The following CCDC110 variants were observed in gnomAD, a reference collection of about 807,000 sequenced individuals.
CCDC110 encodes coiled-coil domain containing 110.
CCDC110 carries 70 observed loss-of-function variants against 77.1 expected under a neutral mutation model. The observed-to-expected ratio is 0.91, with a 90% CI of 0.75 to 1.11. CCDC110 has a LOEUF of 1.11. CCDC110 is among the 50% of genes least tolerant of loss of function. The pLI, the probability that CCDC110 is intolerant of heterozygous loss-of-function variation, is 0.00. For synonymous variants in CCDC110, 295 were observed against 312.5 expected, an observed-to-expected ratio of 0.94 and a Z score of 0.59; for missense variants, 868 against 942.9, an observed-to-expected ratio of 0.92 and a Z score of 1.04.
At chr4:185,449,530 A>T (rs1040761016) in intron 6 of CCDC110, 2 of 1,101,646 alleles carry the variant, frequency 1.8e-6, no homozygotes, top group African/African-American at 1.6e-5. Flanking sequence ...CTTAAAAAAA[A>T]AAAAGAATGT....
At chr4:185,464,564 C>T (rs149732251) in intron 2 of CCDC110, among the ~76,000 whole-genome samples, 3 of 152,250 alleles carry the variant, frequency 2.0e-5, no homozygotes, top group Non-Finnish European at 2.9e-5. Flanking sequence ...GAAGGAAACA[C>T]AACGTTTTTC....
intron 6 of CCDC110, among the ~76,000 whole-genome samples, chr4:185,445,875 C>T (rs1354065662): frequency 1.3e-5 from 2 of 152,040 alleles, no homozygotes; most frequent in African/African-American, 2.4e-5. Flanking sequence ...GAGTTTCGCT[C>T]TTATTGCCCA....
At chr4:185,449,175 T>C (rs2095623877) in intron 6 of CCDC110, among the ~76,000 whole-genome samples, 1 of 152,212 alleles carries the variant, frequency 6.6e-6, no homozygotes, top group Non-Finnish European at 1.5e-5. Context: ...GGATTGTTAA[T>C]ATGTTACAAA....
At chr4:185,450,986 C>T (rs2095628221) in intron 6 of CCDC110, among the ~76,000 whole-genome samples, 1 of 152,024 alleles carries the variant, frequency 6.6e-6, no homozygotes, top group Non-Finnish European at 1.5e-5. Context: ...CCCATAATTC[C>T]CACATATTGT....
At position 185,459,670 on chromosome 4, in the gene CCDC110, T is replaced by C; in HGVS notation, c.917A>G (p.Asp306Gly). The change falls in exon 6 of 7, where the codon GAT (aspartate) becomes GGT (glycine). Residue 306 changes from aspartate (D) to glycine (G), a missense_variant. Physicochemically the swap from Asp to Gly is moderately conservative, Grantham distance 94. Coordinates refer to ENST00000307588, the MANE Select transcript of CCDC110 (RefSeq NM_152775.4). ...TTCTGAAATTCTCTTTGATTTTATA[T>C]CTTCATTTAAGTTACCGTCCAAGTT... The part of the protein sequence containing the change: ...EENLDGNLNE[D>G]IKSKRISELE... 6.2e-7 allele frequency: 1 copy of C among 1,611,660 alleles called. No individual in the cohort carries two copies. The highest frequency in any genetic ancestry group is 8.5e-7 in the Non-Finnish European group (1 of 1,179,284).
At chr4:185,467,910 A>G (rs1215878535) in intron 2 of CCDC110, among the ~76,000 whole-genome samples, 1 of 152,214 alleles carries the variant, frequency 6.6e-6, no homozygotes, top group Admixed American at 6.5e-5. Flanking sequence ...CTGGGACTAC[A>G]GGCATGTGCC....
At chr4:185,449,731 T>C (rs574977220) in intron 6 of CCDC110, 8 of 890,032 alleles carry the variant, frequency 9.0e-6, no homozygotes, top group African/African-American at 6.9e-5. Flanking sequence ...TAAGATGTTA[T>C]GGAGCAGATA....
intron 2 of CCDC110, among the ~76,000 whole-genome samples, chr4:185,465,962 A>T (rs773337373): frequency 8.5e-5 from 13 of 152,192 alleles, no homozygotes; most frequent in Admixed American, 6.5e-4. Flanking sequence ...ATACTTTAGG[A>T]GAAAAACATT....
chr4:185,454,377 A>C (rs1236952311), intron 6 of CCDC110, among the ~76,000 whole-genome samples: 1 of 152,156 alleles, frequency 6.6e-6, no homozygotes. Flanking sequence ...ATTTCCAAAA[A>C]TCTTCATAAA....
intron 6 of CCDC110, among the ~76,000 whole-genome samples, chr4:185,450,814 TG>T (rs1000952180): frequency 6.6e-6 from 1 of 152,042 alleles, no homozygotes; most frequent in African/African-American, 2.4e-5. Context: ...AGTGAGGTAT[TG>T]ATAGCCCTCA....
At position 185,459,160 on chromosome 4, in the gene CCDC110, T is replaced by C. The variant is rs772000989; in HGVS notation, c.1427A>G (p.Tyr476Cys). The C allele has an allele frequency of 5.6e-6, 9 of 1,600,396 alleles. No homozygotes were observed. In the East Asian group the frequency reaches 1.3e-4, roughly 24 times the overall value. The change falls in exon 6 of 7, where the codon TAT (tyrosine) becomes TGT (cysteine). Residue 476 changes from tyrosine to cysteine, a missense_variant. Transcript: ENST00000307588. ...TQSLIQKVET[Y>C]EKQLKNLVEE... The stretch of plus-strand genomic sequence containing the variant: ...AACCAGATTCTTAAGTTGCTTTTCA[T>C]ATGTTTCAACTTTCTGTATGAGAGA...
chr4:185,470,000 C>G (rs1241589326), intron 2 of CCDC110, among the ~76,000 whole-genome samples: 1 of 152,216 alleles, frequency 6.6e-6, no homozygotes, highest in Non-Finnish European at 1.5e-5. Context: ...TGTCCCCTCA[C>G]AGCAGGCTCC....
At chr4:185,453,111 T>C in intron 6 of CCDC110, among the ~76,000 whole-genome samples, 1 of 152,210 alleles carries the variant, frequency 6.6e-6, no homozygotes, top group Non-Finnish European at 1.5e-5. Flanking sequence ...CCCATGCCTG[T>C]AGTACCAGCA....
chr4:185,459,928 AG>A lies in CCDC110; in HGVS notation c.658del (p.Leu220TrpfsTer19). 1 of 1,613,936 alleles carries A rather than the reference AG, an allele frequency of 6.2e-7. No homozygotes were observed. The highest frequency in any genetic ancestry group is 8.5e-7 in the Non-Finnish European group (1 of 1,179,912). On this transcript the variant is annotated frameshift_variant, in exon 6 of 7. Transcript: ENST00000307588. LOFTEE classifies it high-confidence loss of function. Reference protein sequence around the residue: ...NVMSQADTVILDKSKITVPFL... With the variant: ...NVMSQADTVIXDKSKITVPFL... ...AGGCACAGTAATTTTGGATTTATCC[AG>A]AATTACTGTATCAGCTTGAGACATC...
In CCDC110 at chr4:185,460,174, G is replaced by A. The variant is rs1263515770; in HGVS notation, c.413C>T (p.Thr138Ile). ...EKSHHFEDSK[T>I]LHSVEEKLSG... ...TAATTTTTCTTCCACTGAATGAAGT[G>A]TCTTGGAATCCTCAAAATGATGACT... The change falls in exon 6 of 7, where the codon ACA becomes ATA. Residue 138 changes from threonine (T) to isoleucine (I), a missense_variant. Coordinates refer to ENST00000307588, the MANE Select transcript of CCDC110 (RefSeq NM_152775.4). 6 of 1,611,550 alleles carry A rather than the reference G, an allele frequency of 3.7e-6. No homozygotes were observed. Among genetic ancestry groups the A allele is most frequent in the Non-Finnish European group, 5.1e-6 (6 of 1,179,780 alleles).
intron 4 of CCDC110, 66 bp from the exon 5 acceptor site, chr4:185,461,225 T>C (rs2095645857): frequency 7.9e-6 from 6 of 759,132 alleles, no homozygotes; most frequent in East Asian, 7.7e-5. Flanking sequence ...ACAGGAATAA[T>C]AGACATTATA....
chr4:185,471,675 C>G lies in CCDC110; in HGVS notation c.9G>C (p.Pro3=). Residue 3 remains proline (P), a splice_region_variant and synonymous_variant, in exon 1 of 7, where the codon CCG becomes CCC. Coordinates refer to ENST00000307588, the MANE Select transcript of CCDC110 (RefSeq NM_152775.4). ...AGCCCCGCCCCGTCCAACTCTTACC[C>G]GGGCTCATCGCCGCGGCTCATCTCT... MS[P]EKQHREEDEV... is the part of the protein sequence containing the mutation. The G allele has an allele frequency of 3.2e-6, 5 of 1,555,626 alleles. No individual in the cohort carries two copies. The highest frequency in any genetic ancestry group is 4.3e-6 in the Non-Finnish European group (5 of 1,155,190).
intron 2 of CCDC110, among the ~76,000 whole-genome samples, chr4:185,466,247 T>A (rs189164453): frequency 3.7e-4 from 56 of 152,184 alleles, no homozygotes; most frequent in Admixed American, 3.0e-3. Flanking sequence ...TGGTGGCATG[T>A]GCCTGTAATC....
Position 185,460,056 on chromosome 4 carries a change from G to T in CCDC110, c.531C>A (p.Asp177Glu). Residue 177 changes from aspartate to glutamate, a missense_variant, in exon 6 of 7, where the codon GAC (aspartate) becomes GAA (glutamate). Coordinates refer to ENST00000307588, the MANE Select transcript of CCDC110 (RefSeq NM_152775.4). ...GTATAATTATGTTTGAAGATAAATTGTCTGTTGAAGTTCTCAGAGTTAATG... is the reference window on the plus strand; with the variant it reads ...GTATAATTATGTTTGAAGATAAATTTTCTGTTGAAGTTCTCAGAGTTAATG... Reference protein sequence around the residue: ...EDTLTLRTSTDNLSSNIIIHP... With the variant: ...EDTLTLRTSTENLSSNIIIHP... The T allele has an allele frequency of 1.2e-6, 2 of 1,613,758 alleles. No individual in the cohort carries two copies. Among genetic ancestry groups the T allele is most frequent in the Non-Finnish European group, 1.7e-6 (2 of 1,179,806 alleles).
Sources: gnomAD v4.1 joint callset for allele counts (sites outside exome capture counted in the v4.1 genomes callset) on GRCh38, gnomAD v4.1.1 for gene constraint, MANE v1.5 for transcripts, NCBI Gene and HGNC (gene_info 2026-07-23, HGNC 2026-07-21) for gene names.